The following ASMTL variants were observed in gnomAD, a reference collection of about 807,000 sequenced individuals.
ASMTL encodes acetylserotonin O-methyltransferase like.
In ASMTL, 57 loss-of-function variants were observed where a neutral mutation model predicts 60.3. The ratio of observed to expected loss-of-function variants is 0.95; its 90% CI spans 0.76 to 1.18. The LOEUF is 1.18. ASMTL is among the 50% of genes most tolerant of loss of function. ASMTL has a pLI of 0.00. For synonymous variants in ASMTL, 419 were observed against 373.0 expected, an observed-to-expected ratio of 1.12 and a Z score of -1.42; for missense variants, 981 against 852.6, an observed-to-expected ratio of 1.15 and a Z score of -1.88.
In ASMTL at chrX:1,427,886, TG is replaced by T. The variant is rs1290677813; in HGVS notation, c.744del (p.Thr249LeufsTer43). 1 of 1,613,194 alleles carries T rather than the reference TG, an allele frequency of 6.2e-7. No homozygotes were observed. The highest frequency in any genetic ancestry group is 2.2e-5 in the East Asian group (1 of 44,874). On this transcript the variant is annotated frameshift_variant, in exon 7 of 13. Transcript: ENST00000381317. LOFTEE classifies it high-confidence loss of function. Reference sequence around the variant, plus strand: ...TCGCGGCTGCCCGCGTCCCTCTGAGTGGGCTCCGAGCCGCCCCCCTCCACGT... The same window carrying T: ...TCGCGGCTGCCCGCGTCCCTCTGAGTGGCTCCGAGCCGCCCCCCTCCACGT... The part of the protein sequence containing the change: ...LSDVEGGGSE[P>X]TQRDAGSRDE...
At chrX:1,423,114 G>A (rs1281417181) in intron 8 of ASMTL, among the ~76,000 whole-genome samples, 5 of 152,012 alleles carry the variant, frequency 3.3e-5, no homozygotes, top group Admixed American at 6.6e-5. Context: ...CACCGTGCCC[G>A]GCTAATTTTT....
At chrX:1,438,106 T>C (rs1284523435) in intron 3 of ASMTL, among the ~76,000 whole-genome samples, 4 of 151,574 alleles carry the variant, frequency 2.6e-5, no homozygotes, top group African/African-American at 7.3e-5. Context: ...CTGGCCAACA[T>C]GGTGAAACCC....
intron 1 of ASMTL, among the ~76,000 whole-genome samples, chrX:1,446,500 ATTTTT>A (rs533497088): frequency 7.6e-6 from 1 of 131,758 alleles, no homozygotes; most frequent in Non-Finnish European, 1.6e-5. Context: ...ATCTCATGAC[ATTTTT>A]TTTTTTTTTT....
chrX:1,449,782 TC>T (rs201872829), intron 1 of ASMTL, among the ~76,000 whole-genome samples: 1,708 of 108,676 alleles, frequency 0.016, 44 homozygotes, highest in African/African-American at 0.069. Context: ...CCAGTAACTA[TC>T]CCCCCATCAC....
At chrX:1,451,710 A>AGG (rs2091392088) in intron 1 of ASMTL, among the ~76,000 whole-genome samples, 7 of 94,334 alleles carry the variant, frequency 7.4e-5, no homozygotes, top group Non-Finnish European at 1.1e-4. Context: ...CCCCATCCCT[A>AGG]GGGGTCCCGG....
intron 2 of ASMTL, among the ~76,000 whole-genome samples, chrX:1,440,729 TTGGAGAC>T (rs2091089364): frequency 6.6e-6 from 1 of 151,926 alleles, no homozygotes; most frequent in East Asian, 1.9e-4. Flanking sequence ...AGGTCAGGAG[TTGGAGAC>T]CAGCCTGGCC....
intron 8 of ASMTL, 35 bp from the exon 9 acceptor site, chrX:1,421,877 C>G: frequency 6.2e-7 from 1 of 1,605,866 alleles, no homozygotes; most frequent in African/African-American, 1.3e-5. Flanking sequence ...GACCTCCTAA[C>G]GAGAAAACCC....
chrX:1,431,993 C>T (rs769234803), intron 6 of ASMTL: 2 of 532,796 alleles, frequency 3.8e-6, no homozygotes, highest in Non-Finnish European at 6.8e-6. Flanking sequence ...ACGTGAACTC[C>T]TCTACCCCTG....
At chrX:1,450,877 TCTGCC>T (rs2091353872) in intron 1 of ASMTL, among the ~76,000 whole-genome samples, 1 of 118,722 alleles carries the variant, frequency 8.4e-6, no homozygotes, top group Admixed American at 8.4e-5. Flanking sequence ...CCCGGGTCAC[TCTGCC>T]CTCCCCCATC....
chrX:1,449,527 C>T (rs2091302117), intron 1 of ASMTL, among the ~76,000 whole-genome samples: 1 of 151,906 alleles, frequency 6.6e-6, no homozygotes. Context: ...ACCAGACCTC[C>T]AGTCCGTAGT....
At chrX:1,439,334 G>A in intron 2 of ASMTL, among the ~76,000 whole-genome samples, 190 bp from the exon 3 acceptor site, 1 of 152,108 alleles carries the variant, frequency 6.6e-6, no homozygotes, top group Middle Eastern at 3.4e-3. Context: ...CCCTGCAGGG[G>A]CTGGAACGTG....
intron 12 of ASMTL, among the ~76,000 whole-genome samples, chrX:1,403,902 GAGAT>G (rs1253260390): frequency 2.0e-5 from 3 of 152,088 alleles, no homozygotes; most frequent in South Asian, 2.1e-4. Flanking sequence ...ATGCATGTAT[GAGAT>G]GGATGGATGG....
intron 9 of ASMTL, among the ~76,000 whole-genome samples, chrX:1,420,822 C>T (rs1243682572): frequency 6.6e-6 from 1 of 152,218 alleles, no homozygotes; most frequent in Non-Finnish European, 1.5e-5. Flanking sequence ...CAGACAGAGT[C>T]TTGTTCTGTC....
At chrX:1,415,491 G>GT (rs2090209253) in intron 11 of ASMTL, among the ~76,000 whole-genome samples, 1 of 146,794 alleles carries the variant, frequency 6.8e-6, no homozygotes, top group African/African-American at 2.5e-5. Context: ...TTGAGATGGA[G>GT]TTTCGCTCTT....
At chrX:1,453,372 C>A (rs1310929807), upstream of ASMTL, among the ~76,000 whole-genome samples, 3 of 151,190 alleles carry the variant, frequency 2.0e-5, no homozygotes, top group African/African-American at 7.3e-5. Flanking sequence ...ACCGCCCCGG[C>A]CGCTTGGTGA....
At chrX:1,448,382 ACCATCTTGGACACACCG>A (rs1186195666) in intron 1 of ASMTL, among the ~76,000 whole-genome samples, 1 of 139,650 alleles carries the variant, frequency 7.2e-6, no homozygotes, top group Non-Finnish European at 1.5e-5. Flanking sequence ...GACAAGCACC[ACCATCTTGGACACACCG>A]CCATCTTGGA....
chrX:1,453,370 G>A (rs1218646169), upstream of ASMTL, among the ~76,000 whole-genome samples: 2 of 55,700 alleles, frequency 3.6e-5, no homozygotes, highest in Non-Finnish European at 8.0e-5. Context: ...GCACCGCCCC[G>A]GCCGCTTGGT....
intron 1 of ASMTL, among the ~76,000 whole-genome samples, chrX:1,447,948 T>A (rs2091264551): frequency 6.9e-6 from 1 of 144,944 alleles, no homozygotes; most frequent in African/African-American, 2.6e-5. Context: ...CACAACACCA[T>A]CTTGGAAAAG....
chrX:1,435,101 G>A lies in ASMTL; in HGVS notation c.339-18C>T, dbSNP rs1400099791. The stretch of plus-strand genomic sequence containing the variant: ...CACTCAACCTGTAAGACAACAACGG[G>A]TGACCACGTGACCATGCTGTGACCC... On this transcript the variant is annotated intron_variant, in intron 4 of 12. Coordinates refer to ENST00000381317, the MANE Select transcript of ASMTL (RefSeq NM_004192.4). 1 of 1,613,522 alleles carries A rather than the reference G, an allele frequency of 6.2e-7. No homozygotes were observed. Among genetic ancestry groups the A allele is most frequent in the African/African-American group, 1.3e-5 (1 of 74,904 alleles).
Sources: gnomAD v4.1 joint callset for allele counts (sites outside exome capture counted in the v4.1 genomes callset) on GRCh38, gnomAD v4.1.1 for gene constraint, MANE v1.5 for transcripts, NCBI Gene and HGNC (gene_info 2026-07-23, HGNC 2026-07-21) for gene names.